Variants in MECOM observed in about 807,000 individuals in gnomAD.
MECOM encodes the protein histone-lysine N-methyltransferase MECOM.
Under a neutral mutation model 116.3 loss-of-function variants are expected in MECOM, and 13 were observed. The observed-to-expected ratio is 0.11, with a 90% CI of 0.07 to 0.18. The LOEUF is 0.18. MECOM is among the 10% of genes least tolerant of loss of function. The probability of loss-of-function intolerance (pLI) is 1.00; values close to 1 mark genes in which losing one functional copy is unlikely to be tolerated. For synonymous variants in MECOM, 528 were observed against 535.2 expected (o/e 0.99, Z 0.19); for missense variants, 1,299 against 1,509.0 (o/e 0.86, Z 2.31).
intron 7 of MECOM, among the ~76,000 whole-genome samples, chr3:169,117,240 G>T (rs1420796085): frequency 6.6e-6 from 1 of 151,986 alleles, no homozygotes; most frequent in African/African-American, 2.4e-5. Context: ...TCTCCCCTTG[G>T]GGAAAAAGCC....
intron 1 of MECOM, among the ~76,000 whole-genome samples, chr3:169,445,672 C>T (rs1744505170): frequency 4.6e-5 from 7 of 152,080 alleles, no homozygotes. Context: ...TCCTCCAGAC[C>T]CCAGAATGGT....
intron 1 of MECOM, among the ~76,000 whole-genome samples, chr3:169,397,422 A>G (rs149573984): frequency 5.9e-5 from 9 of 152,326 alleles, no homozygotes; most frequent in Non-Finnish European, 1.0e-4. Context: ...TTCAGCCCAA[A>G]GTGCAGGATA....
At chr3:169,139,585 A>C (rs982525140) in intron 3 of MECOM, among the ~76,000 whole-genome samples, 1 of 152,162 alleles carries the variant, frequency 6.6e-6, no homozygotes, top group African/African-American at 2.4e-5. Context: ...TAAAAAGCCA[A>C]CTTAGGTAAA....
Position 169,090,191 on chromosome 3 carries a change from A to C in MECOM, c.3210T>G (p.Ser1070Arg), listed in dbSNP as rs769947092. 6.2e-7 allele frequency: 1 copy of C among 1,613,188 alleles called. No individual in the cohort carries two copies. The highest frequency in any genetic ancestry group is 8.5e-7 in the Non-Finnish European group (1 of 1,179,576). The part of the protein sequence containing the change: ...HFKDEKALVT[S>R]QNSDLLDDEE... ...CATCATCCAGCAAGTCTGAATTTTG[A>C]CTGGTCACCAAAGCCTTTTCATCTT... The change falls in exon 15 of 17, where the codon AGT becomes AGG. Residue 1070 changes from serine to arginine, a missense_variant. Coordinates refer to ENST00000651503, the MANE Select transcript of MECOM (RefSeq NM_004991.4).
At chr3:169,277,977 T>C (rs1465396222) in intron 2 of MECOM, among the ~76,000 whole-genome samples, 1 of 152,220 alleles carries the variant, frequency 6.6e-6, no homozygotes, top group Non-Finnish European at 1.5e-5. Context: ...GTTCAAAGTT[T>C]CTAAAGTGGA....
rs149207021 is a variant in MECOM at position 169,210,945 on chromosome 3, G to T, written c.376-67113C>A. ...AAACTCTAAGAGATTTGCCCATTGA[G>T]TGGCATATATCAGTATTTCAGTCTT... On this transcript the variant is annotated intron_variant, in intron 2 of 16. Coordinates refer to ENST00000651503, the MANE Select transcript of MECOM (RefSeq NM_004991.4). Among the ~76,000 whole-genome samples the T allele has an allele frequency of 1.7e-3, 257 of 152,228 alleles. 1 individual carries two copies. The highest frequency in any genetic ancestry group is 5.7e-3 in the African/African-American group (236 of 41,552).
At chr3:169,206,010 G>A (rs147341218) in intron 2 of MECOM, among the ~76,000 whole-genome samples, 9 of 152,228 alleles carry the variant, frequency 5.9e-5, no homozygotes, top group Non-Finnish European at 7.4e-5. Context: ...GCTGAGTAGC[G>A]CAGCCCCCTT....
At chr3:169,134,773 T>G (rs372192503) in intron 3 of MECOM, among the ~76,000 whole-genome samples, 1 of 152,172 alleles carries the variant, frequency 6.6e-6, no homozygotes, top group African/African-American at 2.4e-5. Context: ...TACATATAAA[T>G]TTAATTTACT....
At chr3:169,461,027 C>G (rs77503900) in intron 1 of MECOM, among the ~76,000 whole-genome samples, 1 of 152,064 alleles carries the variant, frequency 6.6e-6, no homozygotes, top group East Asian at 1.9e-4. Flanking sequence ...AAATCTGCAG[C>G]CTTAAACACC....
chr3:169,626,822 CT>C (rs201067118), intron 1 of MECOM, among the ~76,000 whole-genome samples: 4,421 of 147,570 alleles, frequency 0.03, 265 homozygotes, highest in East Asian at 0.28. Flanking sequence ...TTTCTTTTCT[CT>C]TTTTTTTTTT....
intron 1 of MECOM, among the ~76,000 whole-genome samples, chr3:169,622,562 C>T (rs1442712744): frequency 6.6e-6 from 1 of 152,194 alleles, no homozygotes; most frequent in Non-Finnish European, 1.5e-5. Context: ...ATTTGTGGTG[C>T]CCACTCAAAT....
chr3:169,245,280 G>T (rs970049633), intron 2 of MECOM, among the ~76,000 whole-genome samples: 1 of 152,090 alleles, frequency 6.6e-6, no homozygotes, highest in Non-Finnish European at 1.5e-5. Flanking sequence ...CCACGCTAGG[G>T]TTAAATGTTG....
At chr3:169,522,573 AC>A (rs1757477635) in intron 1 of MECOM, among the ~76,000 whole-genome samples, 2 of 152,188 alleles carry the variant, frequency 1.3e-5, no homozygotes, top group African/African-American at 4.8e-5. Context: ...ATCTCTCTAG[AC>A]CCACTCAGCC....
intron 1 of MECOM, among the ~76,000 whole-genome samples, chr3:169,556,057 A>G (rs1190438874): frequency 6.6e-6 from 1 of 152,200 alleles, no homozygotes; most frequent in East Asian, 1.9e-4. Flanking sequence ...TTGTAAGTGG[A>G]GTTCTTTTTG....
intron 2 of MECOM, among the ~76,000 whole-genome samples, chr3:169,162,402 C>A (rs753208887): frequency 6.6e-6 from 1 of 152,038 alleles, no homozygotes; most frequent in African/African-American, 2.4e-5. Context: ...CAAGACTGTA[C>A]GTCATTAAGT....
At chr3:169,167,247 C>A (rs990517282) in intron 2 of MECOM, among the ~76,000 whole-genome samples, 1 of 152,132 alleles carries the variant, frequency 6.6e-6, no homozygotes, top group Non-Finnish European at 1.5e-5. Flanking sequence ...CTATTTGTTT[C>A]TCATTTAGAA....
At chr3:169,162,588 C>T (rs1011250770) in intron 2 of MECOM, among the ~76,000 whole-genome samples, 4 of 152,088 alleles carry the variant, frequency 2.6e-5, no homozygotes, top group East Asian at 1.9e-4. Context: ...ATATTTTCAA[C>T]GTTCATTTAA....
intron 1 of MECOM, among the ~76,000 whole-genome samples, chr3:169,648,784 G>C (rs1026210020): frequency 6.6e-6 from 1 of 152,198 alleles, no homozygotes; most frequent in Non-Finnish European, 1.5e-5. Context: ...GTCAATTTGG[G>C]GGTAGCACTA....
intron 2 of MECOM, among the ~76,000 whole-genome samples, chr3:169,234,674 G>C (rs1019998240): frequency 6.6e-6 from 1 of 152,120 alleles, no homozygotes; most frequent in Non-Finnish European, 1.5e-5. Context: ...CAGTAGCCCA[G>C]CTTCCACTTC....
Sources: gnomAD v4.1 joint callset for allele counts (sites outside exome capture counted in the v4.1 genomes callset) on GRCh38, gnomAD v4.1.1 for gene constraint, MANE v1.5 for transcripts, NCBI Gene and HGNC (gene_info 2026-07-23, HGNC 2026-07-21) for gene names.